SHROOM3: variants seen among roughly 807,000 people sequenced by gnomAD.
SHROOM3 encodes the protein shroom family member 3.
In SHROOM3, 47 loss-of-function variants were observed where a neutral mutation model predicts 138.6. The ratio of observed to expected loss-of-function variants is 0.34; its 90% confidence interval spans 0.27 to 0.43. The LOEUF (loss-of-function observed/expected upper bound fraction) is 0.43. Among genes scored for constraint, SHROOM3 ranks in the 20% least tolerant of loss-of-function variants. SHROOM3 has a pLI of 1.00. For synonymous variants in SHROOM3, 1,062 were observed against 1,063.3 expected (o/e 1.00, Z 0.02); for missense variants, 2,491 against 2,596.5 (o/e 0.96, Z 0.88).
In SHROOM3 at chr4:76,778,946, C is replaced by G; in HGVS notation, c.5760C>G (p.Asp1920Glu). ...ACCTTTCAGAGGAGCAGCTCCAGGA[C>G]TACCAGCACTTCGTGAAAATGAAGT... Reference protein sequence around the residue: ...ANYLSEEQLQDYQHFVKMKST... With the variant: ...ANYLSEEQLQEYQHFVKMKST... The change falls in exon 11 of 11, where the codon GAC becomes GAG. Residue 1920 changes from aspartate (D) to glutamate (E), a missense_variant. Around this residue, in one of 4 missense-constraint regions of SHROOM3, gnomAD observed 470 missense variants for 595.0 expected, o/e 0.79. Transcript: ENST00000296043. 1.2e-6 allele frequency: 2 copies of G among 1,614,016 alleles called. No individual in the cohort carries two copies. The highest frequency in any genetic ancestry group is 1.7e-6 in the Non-Finnish European group (2 of 1,180,044).
chr4:76,565,746 G>A lies in SHROOM3; in HGVS notation c.323+9983G>A, dbSNP rs540184655. 7.2e-5 allele frequency among the ~76,000 whole-genome samples: 11 copies of A among 152,226 alleles called. No individual in the cohort carries two copies. The East Asian group carries it at 1.4e-3, about 19-fold the overall frequency. The stretch of plus-strand genomic sequence containing the variant: ...CTCCCAGAGTATTGGGATTACAGGC[G>A]TGAACCTCCAAGTCCAGCCTCAGAG... On this transcript the variant is annotated intron_variant, in intron 2 of 10. Transcript: ENST00000296043.
At chr4:76,708,505 C>A (rs1577987232) in intron 2 of SHROOM3, among the ~76,000 whole-genome samples, 1 of 152,182 alleles carries the variant, frequency 6.6e-6, no homozygotes, top group Non-Finnish European at 1.5e-5. Flanking sequence ...CCCCAACAAA[C>A]AAAGTTAGGG....
At chr4:76,478,139 C>T (rs1379615981) in intron 1 of SHROOM3, among the ~76,000 whole-genome samples, 1 of 152,140 alleles carries the variant, frequency 6.6e-6, no homozygotes, top group Non-Finnish European at 1.5e-5. Flanking sequence ...TTGTTCACTC[C>T]CCTGGAAAGG....
chr4:76,562,147 G>C (rs557351051), intron 2 of SHROOM3, among the ~76,000 whole-genome samples: 3 of 152,110 alleles, frequency 2.0e-5, no homozygotes, highest in Non-Finnish European at 4.4e-5. Flanking sequence ...GAAATGCACC[G>C]GACTACTTTG....
At chr4:76,634,199 A>G (rs1735425585) in intron 2 of SHROOM3, among the ~76,000 whole-genome samples, 2 of 152,260 alleles carry the variant, frequency 1.3e-5, no homozygotes, top group South Asian at 4.1e-4. Context: ...AAAACAGATA[A>G]TTGATTGATT....
chr4:76,482,317 C>A (rs1440544098), intron 1 of SHROOM3, among the ~76,000 whole-genome samples: 1 of 152,152 alleles, frequency 6.6e-6, no homozygotes, highest in Non-Finnish European at 1.5e-5. Flanking sequence ...TCCCAAGATA[C>A]AAAATCAATG....
At chr4:76,689,387 C>T (rs1312592655) in intron 2 of SHROOM3, among the ~76,000 whole-genome samples, 3 of 126,862 alleles carry the variant, frequency 2.4e-5, no homozygotes, top group Non-Finnish European at 5.1e-5. Context: ...CCAGCGCGGC[C>T]CCTCGGGTGC....
intron 9 of SHROOM3, among the ~76,000 whole-genome samples, chr4:76,760,919 G>A (rs1054095655): frequency 2.6e-5 from 4 of 152,114 alleles, no homozygotes; most frequent in Admixed American, 6.5e-5. Context: ...TTAACTGAAC[G>A]TTTTACACAA....
intron 2 of SHROOM3, among the ~76,000 whole-genome samples, chr4:76,590,859 T>C (rs28716539): frequency 0.29 from 44,396 of 151,976 alleles, 6,645 homozygotes; most frequent in East Asian, 0.43. Flanking sequence ...TTAGCGATCC[T>C]GTCGGCAGCT....
At chr4:76,771,175 G>GCCAACATGGTGAA (rs1224610125) in intron 10 of SHROOM3, among the ~76,000 whole-genome samples, 1 of 152,080 alleles carries the variant, frequency 6.6e-6, no homozygotes, top group Non-Finnish European at 1.5e-5. Context: ...GACCAGCCTG[G>GCCAACATGGTGAA]CCAACATGGT....
intron 1 of SHROOM3, among the ~76,000 whole-genome samples, chr4:76,468,649 A>T (rs1201689312): frequency 1.7e-4 from 26 of 151,850 alleles, no homozygotes; most frequent in Admixed American, 1.7e-3. Flanking sequence ...TTTAAGCAAG[A>T]TTATGTTGTT....
rs1722725701 is a variant in SHROOM3 at position 76,781,161 on chromosome 4, T to C, written c.*1984T>C. 2 of 152,218 alleles carry C rather than the reference T, an allele frequency of 1.3e-5. No homozygotes were observed. The highest frequency in any genetic ancestry group is 1.3e-4 in the Admixed American group (2 of 15,284). The allele number at this position is 152,218 out of a possible 1,614,324, so 9.4% of individuals were successfully genotyped here. ...ATTTTCTTGAGAAAGGGTCTTACTA[T>C]GTTGCCCAGGCTGGAGTGCAGAGTG... On this transcript the variant is annotated 3_prime_UTR_variant, in exon 11 of 11. Coordinates refer to ENST00000296043, the MANE Select transcript of SHROOM3 (RefSeq NM_020859.4).
intron 3 of SHROOM3, among the ~76,000 whole-genome samples, chr4:76,729,394 A>G (rs1466678613): frequency 1.3e-5 from 2 of 152,082 alleles, no homozygotes; most frequent in Non-Finnish European, 2.9e-5. Flanking sequence ...CCTTCAATTC[A>G]GTAAATCTTT....
At chr4:76,474,493 T>C (rs1731441426) in intron 1 of SHROOM3, among the ~76,000 whole-genome samples, 1 of 152,224 alleles carries the variant, frequency 6.6e-6, no homozygotes, top group Non-Finnish European at 1.5e-5. Flanking sequence ...TTCCATGCTT[T>C]GTAATGGTTA....
chr4:76,684,841 T>C (rs1719292505), intron 2 of SHROOM3, among the ~76,000 whole-genome samples: 1 of 152,246 alleles, frequency 6.6e-6, no homozygotes, highest in Non-Finnish European at 1.5e-5. Flanking sequence ...AAAGAAATTA[T>C]AGAGTTTTCC....
At chr4:76,729,150 T>C (rs1720799177) in intron 3 of SHROOM3, among the ~76,000 whole-genome samples, 1 of 152,224 alleles carries the variant, frequency 6.6e-6, no homozygotes, top group African/African-American at 2.4e-5. Flanking sequence ...TACTATAATC[T>C]GCCCTTCATT....
At chr4:76,491,197 C>T (rs962584042) in intron 1 of SHROOM3, among the ~76,000 whole-genome samples, 1 of 152,124 alleles carries the variant, frequency 6.6e-6, no homozygotes, top group African/African-American at 2.4e-5. Context: ...GGGCACTGAC[C>T]AGATGTGGGA....
At chr4:76,723,397 ATTC>A (rs1291293098) in intron 3 of SHROOM3, among the ~76,000 whole-genome samples, 5 of 152,088 alleles carry the variant, frequency 3.3e-5, no homozygotes, top group African/African-American at 7.2e-5. Flanking sequence ...GGAGCTATAT[ATTC>A]TTCTCCTAGC....
intron 2 of SHROOM3, chr4:76,575,712 G>A (rs1464086756): frequency 6.6e-6 from 1 of 151,820 alleles, no homozygotes; most frequent in African/African-American, 2.4e-5. Context: ...TAAATACCCA[G>A]GAATTAACCA....
Sources: gnomAD v4.1 joint callset for allele counts (sites outside exome capture counted in the v4.1 genomes callset) on GRCh38, gnomAD v4.1.1 for gene constraint, gnomAD v4.1.1 regional missense constraint, MANE v1.5 for transcripts, NCBI Gene and HGNC (gene_info 2026-07-23, HGNC 2026-07-21) for gene names.